Variants in SVEP1 observed in about 807,000 individuals in gnomAD.
The protein encoded by SVEP1 is sushi, von Willebrand factor type A, EGF and pentraxin domain-containing protein 1.
A neutral mutation model predicts 367.3 loss-of-function variants in SVEP1; 164 were observed. The ratio of observed to expected loss-of-function variants is 0.45; its 90% confidence interval spans 0.39 to 0.51. SVEP1 has a LOEUF of 0.51. Ranked by LOEUF, SVEP1 falls within the 20% of genes least tolerant of loss-of-function variation. The pLI, the probability that SVEP1 is intolerant of heterozygous loss-of-function variation, is 0.00. For synonymous variants in SVEP1, 1,666 were observed against 1,611.6 expected (o/e 1.03, Z -0.81); for missense variants, 4,117 against 4,425.3 (o/e 0.93, Z 1.98).
chr9:110,370,392 C>T (rs1827258790), intron 46 of SVEP1, among the ~76,000 whole-genome samples: 2 of 152,082 alleles, frequency 1.3e-5, no homozygotes, highest in African/African-American at 2.4e-5. Context: ...TTAGATTGTA[C>T]ATTTCTTTCC....
At chr9:110,480,945 T>C (rs549423432) in intron 12 of SVEP1, among the ~76,000 whole-genome samples, 27 of 152,170 alleles carry the variant, frequency 1.8e-4, no homozygotes, top group South Asian at 1.7e-3. Context: ...AAATTCATAT[T>C]TACAGGTTCA....
chr9:110,413,678 C>T (rs1319638188), intron 36 of SVEP1, among the ~76,000 whole-genome samples: 1 of 151,838 alleles, frequency 6.6e-6, no homozygotes, highest in South Asian at 2.1e-4. Context: ...TGATGACTTA[C>T]AAAAATCTAA....
intron 3 of SVEP1, among the ~76,000 whole-genome samples, chr9:110,539,072 T>C (rs560959702): frequency 1.3e-5 from 2 of 152,166 alleles, no homozygotes; most frequent in Admixed American, 1.3e-4. Flanking sequence ...CAGCAATGAG[T>C]TCTGTTCCAC....
Position 110,404,374 on chromosome 9 carries a change from A to G in SVEP1, c.9619T>C (p.Cys3207Arg). ...FSVNRQVSVS[C>R]AEGYTFEGVN... Reference sequence around the variant, plus strand: ...CCCTCAAAGGTATACCCTTCTGCACATGACACAGAAACTTGCCTATTCACA... The same window carrying G: ...CCCTCAAAGGTATACCCTTCTGCACGTGACACAGAAACTTGCCTATTCACA... The change falls in exon 39 of 48, where the codon TGT becomes CGT. Residue 3207 changes from cysteine (C) to arginine (R), a missense_variant. Coordinates refer to ENST00000374469, the MANE Select transcript of SVEP1 (RefSeq NM_153366.4). The G allele has an allele frequency of 1.9e-6, 3 of 1,614,010 alleles. No homozygotes were observed. The highest frequency in any genetic ancestry group is 2.5e-6 in the Non-Finnish European group (3 of 1,179,880).
intron 36 of SVEP1, among the ~76,000 whole-genome samples, chr9:110,415,724 T>C (rs1198392920): frequency 6.6e-6 from 1 of 151,966 alleles, no homozygotes; most frequent in Admixed American, 6.5e-5. Flanking sequence ...TCTATAATAC[T>C]TGACGAATTA....
intron 39 of SVEP1, among the ~76,000 whole-genome samples, chr9:110,402,415 C>T (rs1827877977): frequency 6.6e-6 from 1 of 152,072 alleles, no homozygotes; most frequent in Non-Finnish European, 1.5e-5. Context: ...ATCATTTTGT[C>T]ACATTACACA....
At chr9:110,369,639 G>C (rs1344475251) in intron 47 of SVEP1, 1 of 279,182 alleles carries the variant, frequency 3.6e-6, no homozygotes, top group Non-Finnish European at 6.6e-6. Context: ...TCTAGCATGG[G>C]TCATACTAAT....
intron 18 of SVEP1, among the ~76,000 whole-genome samples, chr9:110,464,912 A>G (rs893526774): frequency 2.0e-5 from 3 of 152,032 alleles, no homozygotes; most frequent in African/African-American, 7.3e-5. Flanking sequence ...GCTGACCTTG[A>G]CTGTCAGTCC....
Position 110,573,929 on chromosome 9 carries a change from T to C in SVEP1, c.531+5084A>G, listed in dbSNP as rs1458571784. Among the ~76,000 whole-genome samples the C allele has an allele frequency of 3.3e-5, 5 of 152,334 alleles. No individual in the cohort carries two copies. In the East Asian group the frequency reaches 9.6e-4, roughly 29 times the overall value. On this transcript the variant is annotated intron_variant, in intron 1 of 47. Transcript: ENST00000374469. ...TTACAGAATTCACTGCTTTAGTCCT[T>C]GCACTCTTTGAAGAGTGCTAGGGGG...
chr9:110,438,737 G>C (rs905147520), intron 27 of SVEP1, among the ~76,000 whole-genome samples: 1 of 152,066 alleles, frequency 6.6e-6, no homozygotes, highest in Non-Finnish European at 1.5e-5. Context: ...TTTCTCTAAG[G>C]CTTTTGATAC....
rs1564139621 is a variant in SVEP1, at chr9:110,427,578, A to G, written c.5975+13T>C. 6.2e-7 allele frequency: 1 copy of G among 1,609,582 alleles called. No individual in the cohort carries two copies. Among genetic ancestry groups the G allele is most frequent in the South Asian group, 1.1e-5 (1 of 90,216 alleles). On this transcript the variant is annotated intron_variant, in intron 36 of 47. Coordinates refer to ENST00000374469, the MANE Select transcript of SVEP1 (RefSeq NM_153366.4). ...GGCTCTCAATGATCCTTTCCTTCAC[A>G]GGCCCTACTCACCCTTCTTTGCAAG...
chr9:110,442,392 G>A (rs1828522239), intron 27 of SVEP1: 4 of 151,822 alleles, frequency 2.6e-5, no homozygotes. Context: ...ATCAATTTTG[G>A]TTTGATCCGC....
intron 20 of SVEP1, 143 bp from the exon 21 acceptor site, chr9:110,457,495 CCTGAATAACA>C: frequency 1.5e-6 from 1 of 652,498 alleles, no homozygotes; most frequent in South Asian, 1.9e-5. Flanking sequence ...TGGCTTGCTG[CCTGAATAACA>C]CTGGTGCCTG....
chr9:110,524,275 C>T (rs1444781252), intron 3 of SVEP1, among the ~76,000 whole-genome samples: 1 of 151,914 alleles, frequency 6.6e-6, no homozygotes, highest in Non-Finnish European at 1.5e-5. Flanking sequence ...TTCCAAAAAA[C>T]AGAAGAGAAG....
At chr9:110,556,906 A>G (rs1830363730) in intron 1 of SVEP1, among the ~76,000 whole-genome samples, 1 of 152,234 alleles carries the variant, frequency 6.6e-6, no homozygotes, top group African/African-American at 2.4e-5. Flanking sequence ...GCTATTCTCC[A>G]AGGGGCAGAA....
At chr9:110,472,878 A>T (rs551453124) in intron 14 of SVEP1, among the ~76,000 whole-genome samples, 2 of 152,176 alleles carry the variant, frequency 1.3e-5, no homozygotes, top group Non-Finnish European at 2.9e-5. Context: ...GGTACATGGA[A>T]TTCTCTAGAT....
intron 14 of SVEP1, among the ~76,000 whole-genome samples, chr9:110,473,597 T>A (rs1234256261): frequency 6.6e-6 from 1 of 152,230 alleles, no homozygotes; most frequent in South Asian, 2.1e-4. Context: ...TCTTGTATGG[T>A]ACAACACAAA....
At chr9:110,391,339 C>T (rs778910504) in intron 40 of SVEP1, among the ~76,000 whole-genome samples, 69 of 149,840 alleles carry the variant, frequency 4.6e-4, no homozygotes, top group Non-Finnish European at 6.9e-4. Context: ...GGTGCAATCT[C>T]GGCTCTCTGC....
Position 110,430,334 on chromosome 9 carries a change from C to T in SVEP1, c.5470G>A (p.Val1824Ile). The stretch of plus-strand genomic sequence containing the variant: ...GACTCCAAACATGTGATTTTGGTTA[C>T]TCCCATCAACTGGTATCCTTCCTGA... ...SCQEGYQLMG[V>I]TKITCLESGE... Residue 1824 changes from valine to isoleucine, a missense_variant, in exon 33 of 48, where the codon GTA (valine) becomes ATA (isoleucine). By Grantham distance (29) the Val-to-Ile change is conservative. Coordinates refer to ENST00000374469, the MANE Select transcript of SVEP1 (RefSeq NM_153366.4). 1.2e-6 allele frequency: 2 copies of T among 1,613,530 alleles called. No individual in the cohort carries two copies. Among genetic ancestry groups the T allele is most frequent in the Non-Finnish European group, 8.5e-7 (1 of 1,179,742 alleles).
Sources: allele counts gnomAD v4.1 joint callset (sites outside exome capture counted in the v4.1 genomes callset), GRCh38; gene constraint gnomAD v4.1.1; transcripts MANE v1.5; gene names NCBI Gene and HGNC (gene_info 2026-07-23, HGNC 2026-07-21).